The following LIN7A variants were observed in gnomAD, a reference collection of about 807,000 sequenced individuals.
LIN7A encodes lin-7 cell polarity scaffold A, also known as protein lin-7 homolog A.
Under a neutral mutation model 29.8 loss-of-function variants are expected in LIN7A, and 25 were observed. That is an observed-to-expected ratio of 0.84 (90% CI 0.61 to 1.17). The LOEUF (loss-of-function observed/expected upper bound fraction) is 1.17. Among genes scored for constraint, LIN7A ranks in the 50% most tolerant of loss-of-function variants. LIN7A has a pLI of 0.00. For synonymous variants in LIN7A, 118 were observed against 107.5 expected, an observed-to-expected ratio of 1.10 and a Z score of -0.60; for missense variants, 239 against 287.0, an observed-to-expected ratio of 0.83 and a Z score of 1.21.
intron 1 of LIN7A, 30 bp from the exon 2 acceptor site, chr12:80,889,399 C>T (rs1214313163): frequency 3.7e-6 from 5 of 1,342,516 alleles, no homozygotes; most frequent in South Asian, 2.4e-5. Context: ...AATAGAGAAA[C>T]CTAGAATAAA....
rs560203142 is a variant in LIN7A at position 80,912,885 on chromosome 12, G to A, written c.83-23516C>T. ...CCTCCATACCTGCATAAGCATTTTAGAAATTCTAAAACATTAATTTCATTC... is the reference window on the plus strand; with the variant it reads ...CCTCCATACCTGCATAAGCATTTTAAAAATTCTAAAACATTAATTTCATTC... On this transcript the variant is annotated intron_variant, in intron 1 of 5. Transcript: ENST00000552864. Among the ~76,000 whole-genome samples the A allele has an allele frequency of 7.8e-3, 1,180 of 152,240 alleles. 12 individuals carry two copies. Among genetic ancestry groups the A allele is most frequent in the African/African-American group, 0.026 (1,090 of 41,538 alleles).
intron 2 of LIN7A, among the ~76,000 whole-genome samples, chr12:80,857,683 A>AGAC (rs1376695090): frequency 1.3e-5 from 2 of 152,198 alleles, no homozygotes; most frequent in Non-Finnish European, 2.9e-5. Flanking sequence ...TTTCTGTGAA[A>AGAC]ATGGTTTTAC....
intron 2 of LIN7A, among the ~76,000 whole-genome samples, chr12:80,856,963 G>A (rs1238556491): frequency 6.6e-6 from 1 of 152,204 alleles, no homozygotes; most frequent in Non-Finnish European, 1.5e-5. Context: ...CTGCACACCT[G>A]TTTATTAGTT....
intron 1 of LIN7A, 34 bp from the exon 2 acceptor site, chr12:80,889,403 G>T: frequency 7.7e-7 from 1 of 1,297,576 alleles, no homozygotes; most frequent in South Asian, 1.2e-5. Context: ...GAGAAACCTA[G>T]AATAAATTGT....
intron 4 of LIN7A, among the ~76,000 whole-genome samples, chr12:80,824,471 C>A (rs1374349591): frequency 5.3e-5 from 8 of 152,196 alleles, no homozygotes; most frequent in Non-Finnish European, 1.0e-4. Flanking sequence ...CTTATTAACA[C>A]TATTCCACAA....
intron 1 of LIN7A, among the ~76,000 whole-genome samples, chr12:80,927,287 G>A (rs1177668621): frequency 1.4e-5 from 2 of 146,108 alleles, no homozygotes; most frequent in Non-Finnish European, 3.0e-5. Context: ...TCAGCCTCCC[G>A]AGTAGCTGGG....
intron 2 of LIN7A, among the ~76,000 whole-genome samples, chr12:80,877,980 T>C (rs1385163040): frequency 1.3e-5 from 2 of 152,112 alleles, no homozygotes; most frequent in Non-Finnish European, 2.9e-5. Context: ...TGATACAAAA[T>C]ACAACTTCTC....
intron 4 of LIN7A, among the ~76,000 whole-genome samples, chr12:80,827,269 C>T (rs921357458): frequency 3.1e-4 from 47 of 152,046 alleles, no homozygotes; most frequent in Admixed American, 1.3e-4. Flanking sequence ...TGCCTGTAGT[C>T]CCAGCTACTC....
chr12:80,808,450 G>A (rs944537002), intron 5 of LIN7A, among the ~76,000 whole-genome samples: 15 of 151,682 alleles, frequency 9.9e-5, no homozygotes, highest in African/African-American at 2.9e-4. Flanking sequence ...ACAGTGCCTC[G>A]CTTGTAACAG....
In LIN7A at chr12:80,800,489, C is replaced by CAAAAAA. The variant is rs55772850; in HGVS notation, c.*1-2769_*1-2764dup. ...GGGCAGCAAGAGTGAAACTCCGTCT[C>CAAAAAA]AAAAAAAAAAAAAAAAAAAAAAAAA... On this transcript the variant is annotated intron_variant, in intron 5 of 5. Coordinates refer to ENST00000552864, the MANE Select transcript of LIN7A (RefSeq NM_004664.4). Among the ~76,000 whole-genome samples, 346 of 38,078 alleles carry CAAAAAA rather than the reference C, an allele frequency of 9.1e-3. 38 individuals carry two copies. Among genetic ancestry groups the CAAAAAA allele is most frequent in the African/African-American group, 0.03 (330 of 11,158 alleles). 25.0% of individuals were successfully genotyped at this position (38,078 alleles called of 152,430 possible).
At chr12:80,808,360 A>G (rs1174132927) in intron 5 of LIN7A, among the ~76,000 whole-genome samples, 1 of 152,140 alleles carries the variant, frequency 6.6e-6, no homozygotes, top group Non-Finnish European at 1.5e-5. Context: ...TTATTTGTTT[A>G]TTAACTATCT....
intron 4 of LIN7A, among the ~76,000 whole-genome samples, chr12:80,827,534 A>G (rs1167111248): frequency 1.3e-5 from 2 of 152,234 alleles, no homozygotes; most frequent in Non-Finnish European, 2.9e-5. Context: ...TCAATTTTCT[A>G]GAAATGAAAA....
At chr12:80,898,292 T>G (rs1210955530) in intron 1 of LIN7A, among the ~76,000 whole-genome samples, 1 of 152,202 alleles carries the variant, frequency 6.6e-6, no homozygotes, top group African/African-American at 2.4e-5. Flanking sequence ...GTGTGCAACA[T>G]TATTTCTGGG....
intron 1 of LIN7A, among the ~76,000 whole-genome samples, chr12:80,915,116 A>G (rs1375404278): frequency 6.6e-6 from 1 of 151,564 alleles, no homozygotes. Flanking sequence ...GCAAAGGTCT[A>G]ATATCCAGAA....
chr12:80,935,407 GCA>G (rs1219568478), intron 1 of LIN7A, among the ~76,000 whole-genome samples: 9 of 152,178 alleles, frequency 5.9e-5, no homozygotes, highest in Non-Finnish European at 1.3e-4. Context: ...TGCTAAAGCT[GCA>G]CAGTGTTAGA....
chr12:80,896,765 A>G (rs1419837784), intron 1 of LIN7A, among the ~76,000 whole-genome samples: 1 of 152,388 alleles, frequency 6.6e-6, no homozygotes, highest in Non-Finnish European at 1.5e-5. Context: ...TATCACAAAA[A>G]AAGTCTGACA....
chr12:80,836,271 A>G (rs942948910), intron 4 of LIN7A, among the ~76,000 whole-genome samples: 1 of 152,174 alleles, frequency 6.6e-6, no homozygotes, highest in African/African-American at 2.4e-5. Context: ...CCTTATCTCA[A>G]GACCTTCACA....
intron 2 of LIN7A, among the ~76,000 whole-genome samples, chr12:80,874,631 TGTG>T (rs1196675139): frequency 1.3e-5 from 2 of 152,154 alleles, no homozygotes; most frequent in Admixed American, 1.3e-4. Flanking sequence ...GAATAGGTAT[TGTG>T]GAGATGGGAA....
intron 2 of LIN7A, among the ~76,000 whole-genome samples, chr12:80,858,808 C>G (rs916982938): frequency 1.3e-5 from 2 of 152,126 alleles, no homozygotes; most frequent in African/African-American, 4.8e-5. Flanking sequence ...ATTGGCTCAG[C>G]AGACTTGAAA....
Sources: gnomAD v4.1 joint callset for allele counts (sites outside exome capture counted in the v4.1 genomes callset) on GRCh38, gnomAD v4.1.1 for gene constraint, MANE v1.5 for transcripts, NCBI Gene and HGNC (gene_info 2026-07-23, HGNC 2026-07-21) for gene names.